The following LRRC56 variants were observed in gnomAD, a reference collection of about 807,000 sequenced individuals.
LRRC56 encodes leucine rich repeat containing 56.
LRRC56 carries 41 observed loss-of-function variants against 47.8 expected under a neutral mutation model. That is an observed-to-expected ratio of 0.86 (90% CI 0.67 to 1.11). The LOEUF (loss-of-function observed/expected upper bound fraction) is 1.11, where lower values mean the gene tolerates loss of function less well. LRRC56 is among the 50% of genes most tolerant of loss of function. The pLI, the probability that LRRC56 is intolerant of heterozygous loss-of-function variation, is 0.00. For synonymous variants in LRRC56, 387 were observed against 311.2 expected (o/e 1.24, Z -2.56); for missense variants, 759 against 704.2 (o/e 1.08, Z -0.88).
upstream of LRRC56, chr11:534,357 A>G: frequency 6.5e-7 from 1 of 1,548,256 alleles, no homozygotes; most frequent in Non-Finnish European, 8.9e-7. Flanking sequence ...GGGTCCTCCT[A>G]CAGGGTCTCC....
chr11:535,289 CCCGCCG>C (rs113931482), upstream of LRRC56: 70,434 of 141,194 alleles, frequency 0.5, 17,572 homozygotes, highest in Admixed American at 0.59. Flanking sequence ...GCCCCACCCA[CCCGCCG>C]CCGCCGCCGC....
chr11:534,968 GA>G (rs1043700304), upstream of LRRC56, among the ~76,000 whole-genome samples: 4 of 152,228 alleles, frequency 2.6e-5, no homozygotes, highest in Non-Finnish European at 5.9e-5. Context: ...TGAGCGACAG[GA>G]AGGGGCCGAG....
At chr11:506,675 G>A in the LRRC56 span, 2 of 152,350 alleles carry the variant, frequency 1.3e-5, no homozygotes. Flanking sequence ...CTTCCCGGGA[G>A]GCCGCTTCTT....
chr11:532,175 G>A, the LRRC56 span: 9 of 295,778 alleles, frequency 3.0e-5, no homozygotes, highest in African/African-American at 1.1e-4. Flanking sequence ...GGACAGGCCT[G>A]AGGTTCCGAC....
upstream of LRRC56, chr11:534,199 G>A (rs2133993965): frequency 6.3e-7 from 1 of 1,597,230 alleles, no homozygotes; most frequent in Admixed American, 1.7e-5. Context: ...CTGGACGGCG[G>A]CGCCAGGCTC....
upstream of LRRC56, chr11:532,586 G>C: frequency 6.3e-7 from 1 of 1,589,490 alleles, no homozygotes; most frequent in South Asian, 1.1e-5. Flanking sequence ...CGGGGAGCCG[G>C]GGTCATCCGG....
upstream of LRRC56, chr11:534,509 C>T: frequency 1.6e-6 from 1 of 608,592 alleles, no homozygotes; most frequent in Non-Finnish European, 2.9e-6. Context: ...AGGACTGCAG[C>T]GTGCCTACCT....
chr11:531,277 CT>C, the LRRC56 span, among the ~76,000 whole-genome samples: 2 of 152,146 alleles, frequency 1.3e-5, no homozygotes, highest in East Asian at 3.8e-4. Context: ...CCTGCTAGCT[CT>C]CCCCCAACCT....
Position 543,975 on chromosome 11 carries a change from A to C in LRRC56, c.266-745A>C, listed in dbSNP as rs186258141. On this transcript the variant is annotated intron_variant, in intron 5 of 13. Transcript: ENST00000270115. ...GTGTTAACCAGGATGGTCTCGATCT[A>C]CTGACCTAGTGATCCACCCACCTCA... Among the ~76,000 whole-genome samples, 345 of 151,978 alleles carry C rather than the reference A, an allele frequency of 2.3e-3. 3 individuals are homozygous for C. Among genetic ancestry groups the C allele is most frequent in the Admixed American group, 3.5e-3 (53 of 15,276 alleles).
At position 552,852 on chromosome 11, in the gene LRRC56, C is replaced by T. The variant is rs1001565489; in HGVS notation, c.1315+150C>T. 5 of 726,156 alleles carry T rather than the reference C, an allele frequency of 6.9e-6. No individual in the cohort carries two copies. The African/African-American group carries it at 8.9e-5, about 13-fold the overall frequency. The allele number at this position is 726,156 out of a possible 1,614,324, so 45.0% of individuals were successfully genotyped here. A position where few individuals can be genotyped will look rare whatever the true frequency, so the allele number is the denominator to read the frequency against. ...GGGACTGTAACAGGGAGGCCCCCTT[C>T]TGGGGGTGGGGGGCTCACGACCAAG... On this transcript the variant is annotated intron_variant, in intron 13 of 13. Coordinates refer to ENST00000270115, the MANE Select transcript of LRRC56 (RefSeq NM_198075.4).
rs1017125910 is a variant in LRRC56 at position 541,427 on chromosome 11, A to G, written c.178-110A>G. 10 of 556,320 alleles carry G rather than the reference A, an allele frequency of 1.8e-5. No homozygotes were observed. In the African/African-American group the frequency reaches 2.0e-4, roughly 11 times the overall value. The allele number at this position is 556,320 out of a possible 1,614,324, so 34.5% of individuals were successfully genotyped here. ...GGGCCAACATGGCCCAGGCAGGGAAACGTCGGTGCCTGCTCCAGCGGGAGC... is the reference window on the plus strand; with the variant it reads ...GGGCCAACATGGCCCAGGCAGGGAAGCGTCGGTGCCTGCTCCAGCGGGAGC... On this transcript the variant is annotated intron_variant, in intron 4 of 13. Coordinates refer to ENST00000270115, the MANE Select transcript of LRRC56 (RefSeq NM_198075.4). The surrounding 1 kb of genome is among the most constrained non-coding windows in gnomAD (Gnocchi z 4.1).
Position 549,990 on chromosome 11 carries a change from G to A in LRRC56, c.415G>A (p.Ala139Thr). ...ADLDGIASLP[A>T]LKELYASYNN... is the part of the protein sequence containing the mutation. ...CCTGGATGGCATCGCCTCTTTGCCA[G>A]CACTTAAGGTGAGTCTGGGCACCCT... The change falls in exon 7 of 14, where the codon GCA (alanine) becomes ACA (threonine). Residue 139 changes from alanine (A) to threonine (T), a missense_variant. By Grantham distance (58) the Ala-to-Thr change is moderately conservative. Transcript: ENST00000270115. 6.2e-7 allele frequency: 1 copy of A among 1,612,706 alleles called. No homozygotes were observed. The highest frequency in any genetic ancestry group is 8.5e-7 in the Non-Finnish European group (1 of 1,179,776).
the LRRC56 span, among the ~76,000 whole-genome samples, chr11:514,774 C>T: frequency 1.3e-5 from 2 of 152,080 alleles, no homozygotes; most frequent in Admixed American, 6.6e-5. Context: ...AGTGGAAAAC[C>T]GAAAAATCCC....
chr11:532,670 G>A (rs760429548), upstream of LRRC56: 18 of 1,613,018 alleles, frequency 1.1e-5, no homozygotes, highest in Non-Finnish European at 1.5e-5. Flanking sequence ...CATGCAGCCG[G>A]GGCCACTCTC....
the LRRC56 span, chr11:532,124 C>G: frequency 4.3e-6 from 1 of 233,146 alleles, no homozygotes; most frequent in South Asian, 9.8e-5. Context: ...ACCGGCCTCT[C>G]CCAACCTCCC....
the LRRC56 span, among the ~76,000 whole-genome samples, chr11:518,916 T>C: frequency 1.3e-5 from 2 of 150,082 alleles, no homozygotes; most frequent in African/African-American, 4.9e-5. Context: ...GGGGCGTGTC[T>C]CCCGGTCACG....
chr11:534,096 G>T (rs1851303558), upstream of LRRC56: 16 of 1,169,682 alleles, frequency 1.4e-5, no homozygotes, highest in Non-Finnish European at 2.0e-5. Flanking sequence ...GAGGAAGCAG[G>T]AGACAGGGCC....
the LRRC56 span, among the ~76,000 whole-genome samples, chr11:516,020 CT>C: frequency 6.6e-6 from 1 of 152,176 alleles, no homozygotes; most frequent in East Asian, 1.9e-4. Flanking sequence ...AGGGTCTACT[CT>C]CGATCCTCTA....
the LRRC56 span, among the ~76,000 whole-genome samples, chr11:531,951 C>A: frequency 6.6e-6 from 1 of 152,232 alleles, no homozygotes; most frequent in Non-Finnish European, 1.5e-5. Flanking sequence ...GATCCCCAAC[C>A]CCTGAAACCA....
Sources: allele counts gnomAD v4.1 joint callset (sites outside exome capture counted in the v4.1 genomes callset), GRCh38; gene constraint gnomAD v4.1.1; non-coding constraint Gnocchi (gnomAD v3.1); transcripts MANE v1.5; gene names NCBI Gene and HGNC (gene_info 2026-07-23, HGNC 2026-07-21).